Variants in CABCOCO1 observed in about 807,000 individuals in gnomAD.
CABCOCO1 encodes the protein ciliary-associated calcium-binding coiled-coil protein 1.
A neutral mutation model predicts 35.7 loss-of-function variants in CABCOCO1; 28 were observed. The ratio of observed to expected loss-of-function variants is 0.78; its 90% CI spans 0.58 to 1.07. The LOEUF is 1.07. Among genes scored for constraint, CABCOCO1 ranks in the 50% least tolerant of loss-of-function variants. CABCOCO1 has a pLI of 0.00. For missense variants in CABCOCO1, 326 were observed against 309.2 expected (o/e 1.05, Z -0.41); for synonymous variants, 95 against 100.1 (o/e 0.95, Z 0.30).
intron 5 of CABCOCO1, among the ~76,000 whole-genome samples, chr10:61,733,088 T>G (rs1281712394): frequency 6.6e-6 from 1 of 152,066 alleles, no homozygotes; most frequent in Non-Finnish European, 1.5e-5. Flanking sequence ...GCAAGTAGTA[T>G]ATACCGTGTT....
At chr10:61,698,770 A>C (rs1213457906) in intron 5 of CABCOCO1, among the ~76,000 whole-genome samples, 1 of 152,136 alleles carries the variant, frequency 6.6e-6, no homozygotes, top group Non-Finnish European at 1.5e-5. Flanking sequence ...AAAAACATAA[A>C]TTTTATTTTC....
At chr10:61,720,695 G>GA (rs956167892) in intron 5 of CABCOCO1, among the ~76,000 whole-genome samples, 1 of 151,514 alleles carries the variant, frequency 6.6e-6, no homozygotes, top group Non-Finnish European at 1.5e-5. Flanking sequence ...GTGGTGGGGG[G>GA]GCAGGTAATG....
At chr10:61,739,903 C>T (rs1248496120) in intron 5 of CABCOCO1, among the ~76,000 whole-genome samples, 1 of 152,132 alleles carries the variant, frequency 6.6e-6, no homozygotes, top group East Asian at 1.9e-4. Context: ...GATCGCACCA[C>T]TGCGCTCCAG....
At chr10:61,732,494 C>T (rs1299980507) in intron 5 of CABCOCO1, among the ~76,000 whole-genome samples, 2 of 151,922 alleles carry the variant, frequency 1.3e-5, no homozygotes, top group African/African-American at 4.8e-5. Flanking sequence ...CAACTACCAC[C>T]CAAAAGTTAA....
chr10:61,729,315 A>C (rs1014443172), intron 5 of CABCOCO1, among the ~76,000 whole-genome samples: 2 of 152,164 alleles, frequency 1.3e-5, no homozygotes, highest in African/African-American at 4.8e-5. Context: ...CCAGTTTAAG[A>C]CATTTCTACA....
intron 5 of CABCOCO1, among the ~76,000 whole-genome samples, chr10:61,744,806 G>A (rs563481032): frequency 1.3e-5 from 2 of 152,156 alleles, no homozygotes; most frequent in African/African-American, 4.8e-5. Flanking sequence ...CACCATAGAG[G>A]TCTAAGTAAG....
intron 4 of CABCOCO1, among the ~76,000 whole-genome samples, chr10:61,687,994 A>T (rs1464202253): frequency 6.6e-6 from 1 of 152,142 alleles, no homozygotes; most frequent in East Asian, 1.9e-4. Context: ...AAAGGTCCAC[A>T]AATGAAAGTT....
intron 1 of CABCOCO1, among the ~76,000 whole-genome samples, chr10:61,666,191 C>T (rs1480540855): frequency 1.3e-5 from 2 of 152,160 alleles, no homozygotes; most frequent in Non-Finnish European, 2.9e-5. Flanking sequence ...ATTGGGTCGT[C>T]CCTAAAGCCT....
intron 5 of CABCOCO1, among the ~76,000 whole-genome samples, chr10:61,721,018 G>A (rs538941961): frequency 2.2e-5 from 3 of 136,442 alleles, no homozygotes; most frequent in Non-Finnish European, 3.1e-5. Flanking sequence ...TCCGCCTCCC[G>A]GGTTCACGCC....
chr10:61,743,528 G>A (rs552918105), intron 5 of CABCOCO1, among the ~76,000 whole-genome samples: 7 of 151,972 alleles, frequency 4.6e-5, no homozygotes, highest in African/African-American at 7.2e-5. Flanking sequence ...TCAATCAGCC[G>A]GTCATTTGTC....
intron 5 of CABCOCO1, among the ~76,000 whole-genome samples, chr10:61,711,738 CA>C (rs981337487): frequency 6.6e-6 from 1 of 151,878 alleles, no homozygotes; most frequent in African/African-American, 2.4e-5. Flanking sequence ...AAATTAATTT[CA>C]AAAGATTCAA....
intron 4 of CABCOCO1, among the ~76,000 whole-genome samples, chr10:61,688,125 A>G (rs1047740263): frequency 6.6e-6 from 1 of 152,108 alleles, no homozygotes; most frequent in Admixed American, 6.6e-5. Context: ...AAACCTACCC[A>G]TCCTGCACAT....
At chr10:61,680,455 TATAACA>T in intron 2 of CABCOCO1, among the ~76,000 whole-genome samples, 10 of 59,636 alleles carry the variant, frequency 1.7e-4, no homozygotes, top group African/African-American at 6.7e-4. Context: ...ATATTTTATA[TATAACA>T]TATATAATAT....
intron 5 of CABCOCO1, among the ~76,000 whole-genome samples, chr10:61,725,441 G>A (rs1841123298): frequency 6.6e-6 from 1 of 152,148 alleles, no homozygotes; most frequent in Non-Finnish European, 1.5e-5. Flanking sequence ...AAAAAAGGAT[G>A]AGTTCATTTC....
At chr10:61,676,444 GA>G (rs1030969057) in intron 2 of CABCOCO1, among the ~76,000 whole-genome samples, 13 of 151,968 alleles carry the variant, frequency 8.6e-5, no homozygotes, top group Non-Finnish European at 1.3e-4. Flanking sequence ...AAGCACATGA[GA>G]AAAAAAGTAA....
At chr10:61,707,526 T>G (rs1840623124) in intron 5 of CABCOCO1, among the ~76,000 whole-genome samples, 1 of 152,122 alleles carries the variant, frequency 6.6e-6, no homozygotes, top group Non-Finnish European at 1.5e-5. Flanking sequence ...AATCCCTTAT[T>G]GGGGAGGTTT....
chr10:61,667,864 T>C (rs561514637), intron 1 of CABCOCO1, among the ~76,000 whole-genome samples: 14 of 152,054 alleles, frequency 9.2e-5, no homozygotes, highest in African/African-American at 3.4e-4. Flanking sequence ...TATTTAGTTT[T>C]CTTATTGTAT....
chr10:61,750,200 G>C (rs1251639385), intron 5 of CABCOCO1, among the ~76,000 whole-genome samples: 2 of 152,246 alleles, frequency 1.3e-5, no homozygotes, highest in African/African-American at 4.8e-5. Context: ...AGCTAGGTGA[G>C]GGGTATGGTA....
intron 4 of CABCOCO1, 63 bp downstream of exon 4, chr10:61,686,248 G>A (rs970581479): frequency 1.5e-6 from 2 of 1,372,800 alleles, no homozygotes; most frequent in Admixed American, 2.7e-5. Context: ...TGTCTGTTAA[G>A]TAAAAAGTAA....
Sources: gnomAD v4.1 joint callset for allele counts (sites outside exome capture counted in the v4.1 genomes callset) on GRCh38, gnomAD v4.1.1 for gene constraint, MANE v1.5 for transcripts, NCBI Gene and HGNC (gene_info 2026-07-23, HGNC 2026-07-21) for gene names.